Variants in TXNRD1 observed in about 807,000 individuals in gnomAD.
TXNRD1 encodes the protein thioredoxin reductase 1.
TXNRD1 carries 57 observed loss-of-function variants against 80.3 expected under a neutral mutation model. The observed-to-expected ratio is 0.71, with a 90% CI of 0.57 to 0.89. The LOEUF (loss-of-function observed/expected upper bound fraction) is 0.89, where lower values mean the gene tolerates loss of function less well. Ranked by LOEUF, TXNRD1 falls within the 40% of genes least tolerant of loss-of-function variation. The pLI, the probability that TXNRD1 is intolerant of heterozygous loss-of-function variation, is 0.00. For missense variants in TXNRD1, 730 were observed against 803.0 expected (o/e 0.91, Z 1.10); for synonymous variants, 291 against 285.2 (o/e 1.02, Z -0.20).
chr12:104,254,630 G>GGAAAAAAAAAAA (rs1555207847), intron 2 of TXNRD1, among the ~76,000 whole-genome samples: 1 of 17,294 alleles, frequency 5.8e-5, no homozygotes, highest in African/African-American at 2.4e-4. Flanking sequence ...TATGTCTATG[G>GGAAAAAAAAAAA]AAAAAAAAAA....
chr12:104,319,602 G>C lies in TXNRD1; in HGVS notation c.989+17G>C. ...CATCAGCAGGTAAAGGAAAAAAGCA[G>C]GGTGGAAAAGAAAAACCCATTGTGG... On this transcript the variant is annotated intron_variant, in intron 9 of 16. Coordinates refer to ENST00000525566, the MANE Select transcript of TXNRD1 (RefSeq NM_001093771.3). The C allele has an allele frequency of 6.5e-7, 1 of 1,546,228 alleles. No homozygotes were observed. The highest frequency in any genetic ancestry group is 8.8e-7 in the Non-Finnish European group (1 of 1,137,330).
intron 1 of TXNRD1, among the ~76,000 whole-genome samples, chr12:104,242,495 C>T (rs969564964): frequency 1.3e-5 from 2 of 151,642 alleles, no homozygotes; most frequent in African/African-American, 2.4e-5. Context: ...TTGCAGTGAG[C>T]TGAGGTTGTG....
chr12:104,324,339 C>G (rs963553423), intron 10 of TXNRD1, among the ~76,000 whole-genome samples: 3 of 151,056 alleles, frequency 2.0e-5, no homozygotes, highest in Non-Finnish European at 2.9e-5. Flanking sequence ...TGGATAGTTT[C>G]CCAGGTGGGT....
At chr12:104,237,538 G>A (rs983600770) in intron 1 of TXNRD1, among the ~76,000 whole-genome samples, 1 of 152,164 alleles carries the variant, frequency 6.6e-6, no homozygotes, top group Non-Finnish European at 1.5e-5. Flanking sequence ...CTGCTTATTA[G>A]GCCCTAAAAA....
chr12:104,246,844 T>C (rs1310151533), intron 1 of TXNRD1, among the ~76,000 whole-genome samples: 2 of 152,090 alleles, frequency 1.3e-5, no homozygotes, highest in Non-Finnish European at 2.9e-5. Flanking sequence ...TTAAAAATCA[T>C]AAATGATTCT....
intron 10 of TXNRD1, among the ~76,000 whole-genome samples, chr12:104,322,553 A>G (rs561648123): frequency 1.3e-5 from 2 of 151,284 alleles, no homozygotes; most frequent in Non-Finnish European, 3.0e-5. Flanking sequence ...GCTAATTTTT[A>G]TATTTTCAGT....
At chr12:104,303,297 CT>C (rs2034716620) in intron 4 of TXNRD1, among the ~76,000 whole-genome samples, 1 of 152,202 alleles carries the variant, frequency 6.6e-6, no homozygotes. Context: ...CAAACACCAC[CT>C]TGCAAAAGAA....
At chr12:104,338,780 G>C (rs1014136419) in intron 15 of TXNRD1, among the ~76,000 whole-genome samples, 3 of 151,730 alleles carry the variant, frequency 2.0e-5, no homozygotes, top group Non-Finnish European at 2.9e-5. Flanking sequence ...GCAGTGGCAC[G>C]ATCTCGGCTC....
At chr12:104,286,587 T>TTTC in intron 3 of TXNRD1, 1 of 178,766 alleles carries the variant, frequency 5.6e-6, no homozygotes, top group Non-Finnish European at 9.9e-6. Context: ...ACCTTTGGAG[T>TTTC]TTTTTTTTTT....
At chr12:104,241,377 T>A (rs2032859908) in intron 1 of TXNRD1, among the ~76,000 whole-genome samples, 1 of 151,832 alleles carries the variant, frequency 6.6e-6, no homozygotes, top group Non-Finnish European at 1.5e-5. Flanking sequence ...AAAGTCTGAT[T>A]TCTTTTTTTT....
intron 4 of TXNRD1, chr12:104,291,194 G>GTT: frequency 1.2e-5 from 3 of 242,684 alleles, no homozygotes; most frequent in South Asian, 6.6e-5. Context: ...TCTACTTTGT[G>GTT]TCTTTTTTTT....
intron 2 of TXNRD1, among the ~76,000 whole-genome samples, chr12:104,256,252 T>G (rs1011260542): frequency 6.6e-6 from 1 of 152,188 alleles, no homozygotes; most frequent in Non-Finnish European, 1.5e-5. Flanking sequence ...AGGTGGGAAG[T>G]GCCCATAAGG....
chr12:104,340,850 A>G (rs2036300554), intron 16 of TXNRD1, among the ~76,000 whole-genome samples: 1 of 152,192 alleles, frequency 6.6e-6, no homozygotes, highest in Non-Finnish European at 1.5e-5. Flanking sequence ...CACAATAGTG[A>G]GTATATTTAA....
At chr12:104,314,682 G>A (rs1211713438) in intron 6 of TXNRD1, among the ~76,000 whole-genome samples, 1 of 150,942 alleles carries the variant, frequency 6.6e-6, no homozygotes, top group Non-Finnish European at 1.5e-5. Flanking sequence ...AAAAAACCAA[G>A]TGAATGCTGT....
At chr12:104,300,496 CTTT>C (rs749861090) in intron 4 of TXNRD1, among the ~76,000 whole-genome samples, 48 of 152,272 alleles carry the variant, frequency 3.2e-4, no homozygotes, top group Admixed American at 5.2e-4. Context: ...GCAGTTTCTT[CTTT>C]TTAAGCTTCA....
At chr12:104,288,392 C>T (rs572434859) in intron 3 of TXNRD1, among the ~76,000 whole-genome samples, 5 of 152,260 alleles carry the variant, frequency 3.3e-5, no homozygotes, top group Admixed American at 2.6e-4. Flanking sequence ...TCATCTGTAG[C>T]GTTGTGTATT....
chr12:104,251,024 T>G (rs191633892), intron 1 of TXNRD1, among the ~76,000 whole-genome samples: 2 of 152,352 alleles, frequency 1.3e-5, no homozygotes, highest in African/African-American at 4.8e-5. Context: ...ATTGCAGTCT[T>G]GCTGCATCTT....
At chr12:104,266,026 A>G (rs1245387985) in intron 3 of TXNRD1, among the ~76,000 whole-genome samples, 1 of 151,966 alleles carries the variant, frequency 6.6e-6, no homozygotes, top group Non-Finnish European at 1.5e-5. Context: ...AGAGGTAAAA[A>G]CAGATTTCTT....
At chr12:104,319,180 G>C (rs2035440798) in intron 8 of TXNRD1, 125 bp downstream of exon 8, 1 of 1,228,718 alleles carries the variant, frequency 8.1e-7, no homozygotes, top group South Asian at 1.7e-5. Context: ...TATCCAGTTT[G>C]GTGATTTTGC....
Sources: gnomAD v4.1 joint callset for allele counts (sites outside exome capture counted in the v4.1 genomes callset) on GRCh38, gnomAD v4.1.1 for gene constraint, MANE v1.5 for transcripts, NCBI Gene and HGNC (gene_info 2026-07-23, HGNC 2026-07-21) for gene names.